The following MAP3K20 variants were observed in gnomAD, a reference collection of about 807,000 sequenced individuals.
The protein encoded by MAP3K20 is HCCS-4.
MAP3K20 carries 40 observed loss-of-function variants against 85.7 expected under a neutral mutation model. That is an observed-to-expected ratio of 0.47 (90% CI 0.36 to 0.61). The LOEUF is 0.61. MAP3K20 is among the 20% of genes least tolerant of loss of function. MAP3K20 has a pLI of 0.00. For synonymous variants in MAP3K20, 325 were observed against 327.7 expected, an observed-to-expected ratio of 0.99 and a Z score of 0.09; for missense variants, 817 against 961.7, an observed-to-expected ratio of 0.85 and a Z score of 1.99.
intron 2 of MAP3K20, among the ~76,000 whole-genome samples, chr2:173,095,191 G>A (rs1397497903): frequency 3.3e-5 from 5 of 152,130 alleles, no homozygotes; most frequent in African/African-American, 9.7e-5. Context: ...GCAAGTAAGA[G>A]CTCTTTCCAG....
chr2:173,182,890 A>G lies in MAP3K20; in HGVS notation c.284A>G (p.Asn95Ser), dbSNP rs1348499989. The G allele has an allele frequency of 6.2e-7, 1 of 1,609,640 alleles. No homozygotes were observed. The highest frequency in any genetic ancestry group is 8.5e-7 in the Non-Finnish European group (1 of 1,178,236). The stretch of plus-strand genomic sequence containing the variant: ...CTGGGATCACTCTATGATTACATTA[A>G]CAGTAACAGAAGTGAGGAGATGGAT... ...ASLGSLYDYI[N>S]SNRSEEMDMD... The change falls in exon 4 of 20, where the codon AAC (asparagine) becomes AGC (serine). Residue 95 changes from asparagine to serine, a missense_variant. Physicochemically the swap from Asn to Ser is conservative, Grantham distance 46. Coordinates refer to ENST00000375213, the MANE Select transcript of MAP3K20 (RefSeq NM_016653.3).
At chr2:173,123,483 G>A (rs534843857) in intron 2 of MAP3K20, among the ~76,000 whole-genome samples, 1 of 152,300 alleles carries the variant, frequency 6.6e-6, no homozygotes, top group East Asian at 1.9e-4. Flanking sequence ...AGATCTTGAG[G>A]AGAATGAGCA....
intron 10 of MAP3K20, chr2:173,212,208 G>A (rs1196271628): frequency 6.6e-6 from 1 of 152,206 alleles, no homozygotes; most frequent in Non-Finnish European, 1.5e-5. Flanking sequence ...CTGCTGGTGT[G>A]AGAACGACTG....
chr2:173,184,047 T>G (rs1212526152), intron 4 of MAP3K20, among the ~76,000 whole-genome samples: 2 of 152,198 alleles, frequency 1.3e-5, no homozygotes, highest in Non-Finnish European at 2.9e-5. Flanking sequence ...TTTAGGGTGG[T>G]GTACCTGAGA....
chr2:173,081,391 G>A (rs1687010580), intron 1 of MAP3K20, among the ~76,000 whole-genome samples: 1 of 152,000 alleles, frequency 6.6e-6, no homozygotes, highest in Admixed American at 6.6e-5. Flanking sequence ...ATCACCTTCT[G>A]CACAGTACTG....
At chr2:173,076,847 C>T (rs1686877325) in intron 1 of MAP3K20, among the ~76,000 whole-genome samples, 1 of 152,224 alleles carries the variant, frequency 6.6e-6, no homozygotes, top group Non-Finnish European at 1.5e-5. Context: ...GCCGTCGCCT[C>T]GTCTGGCCTC....
At chr2:173,160,341 C>T (rs1260144357) in intron 2 of MAP3K20, 4 of 152,138 alleles carry the variant, frequency 2.6e-5, no homozygotes, top group Non-Finnish European at 1.5e-5. Context: ...TCCTCCAAGC[C>T]TGCTTTTAAA....
Position 173,222,499 on chromosome 2 carries a change from A to G in MAP3K20, c.987+5249A>G, listed in dbSNP as rs138772418. 2.7e-4 allele frequency: 270 copies of G among 985,758 alleles called. No homozygotes were observed. In the African/African-American group the frequency reaches 4.4e-3, roughly 16 times the overall value. The allele number at this position is 985,758 out of a possible 1,614,324, so 61.1% of individuals were successfully genotyped here. On this transcript the variant is annotated intron_variant, in intron 11 of 19. Coordinates refer to ENST00000375213, the MANE Select transcript of MAP3K20 (RefSeq NM_016653.3). Reference sequence around the variant, plus strand: ...TTAAGGCTGTGCTTGTGCTTTATACAAAGAGAAAGAGGTGGTCTTAAGGGG... The same window carrying G: ...TTAAGGCTGTGCTTGTGCTTTATACGAAGAGAAAGAGGTGGTCTTAAGGGG...
rs758501464 is a variant in MAP3K20 at position 173,190,868 on chromosome 2, A to G, written c.416-27A>G. 4 of 1,567,052 alleles carry G rather than the reference A, an allele frequency of 2.6e-6. No homozygotes were observed. In the South Asian group the frequency reaches 3.5e-5, roughly 14 times the overall value. ...AGCTCAAACAAATTAGATGATTGTC[A>G]TAATTTATCCTTTTTTCTTTTTTTA... On this transcript the variant is annotated intron_variant, in intron 5 of 19. Coordinates refer to ENST00000375213, the MANE Select transcript of MAP3K20 (RefSeq NM_016653.3).
intron 2 of MAP3K20, among the ~76,000 whole-genome samples, chr2:173,146,731 A>G (rs1689149041): frequency 6.6e-6 from 1 of 152,226 alleles, no homozygotes; most frequent in African/African-American, 2.4e-5. Context: ...ACCTAAGAGT[A>G]GAAGTGATGA....
chr2:173,186,340 C>CTATTGAAT (rs1017559948), intron 4 of MAP3K20, among the ~76,000 whole-genome samples: 17 of 152,198 alleles, frequency 1.1e-4, no homozygotes, highest in Non-Finnish European at 2.5e-4. Context: ...CAAGTTGTAA[C>CTATTGAAT]TATTGAATTT....
intron 7 of MAP3K20, among the ~76,000 whole-genome samples, chr2:173,193,688 A>C (rs190585200): frequency 2.6e-5 from 4 of 152,240 alleles, no homozygotes; most frequent in Admixed American, 2.6e-4. Flanking sequence ...CATTTCTTAA[A>C]CATAGTTTGA....
intron 4 of MAP3K20, among the ~76,000 whole-genome samples, chr2:173,186,119 A>C (rs1398627417): frequency 6.6e-6 from 1 of 152,160 alleles, no homozygotes; most frequent in Non-Finnish European, 1.5e-5. Context: ...TTTTCTTATA[A>C]TCTTCCATGA....
At chr2:173,181,242 C>T (rs998234056) in intron 3 of MAP3K20, among the ~76,000 whole-genome samples, 3 of 152,054 alleles carry the variant, frequency 2.0e-5, no homozygotes, top group Non-Finnish European at 1.5e-5. Context: ...TACTGCTGGG[C>T]ACAGTCACAT....
intron 2 of MAP3K20, among the ~76,000 whole-genome samples, chr2:173,123,644 A>G (rs899383523): frequency 1.3e-5 from 2 of 152,190 alleles, no homozygotes; most frequent in Admixed American, 6.5e-5. Context: ...TGTTTGTTTC[A>G]TCTTGAATTC....
intron 2 of MAP3K20, among the ~76,000 whole-genome samples, chr2:173,119,345 A>T (rs1485944750): frequency 9.2e-5 from 14 of 152,212 alleles, no homozygotes; most frequent in Non-Finnish European, 2.1e-4. Context: ...CTGGGAGGCT[A>T]AAGCTGGCCC....
At chr2:173,149,004 A>G (rs1423141711) in intron 2 of MAP3K20, among the ~76,000 whole-genome samples, 1 of 152,212 alleles carries the variant, frequency 6.6e-6, no homozygotes, top group African/African-American at 2.4e-5. Flanking sequence ...TGAAAATAAA[A>G]TCTGTGGTCA....
chr2:173,205,715 G>T (rs890309519), intron 9 of MAP3K20, among the ~76,000 whole-genome samples: 12 of 152,004 alleles, frequency 7.9e-5, no homozygotes, highest in African/African-American at 2.7e-4. Context: ...TTTTTAAGTA[G>T]AGTCCTAGAT....
At position 173,266,977 on chromosome 2, in the gene MAP3K20, T is replaced by C. The variant is rs555361931; in HGVS notation, c.*227T>C. 1 of 358,794 alleles carries C rather than the reference T, an allele frequency of 2.8e-6. No homozygotes were observed. The highest frequency in any genetic ancestry group is 5.0e-6 in the Non-Finnish European group (1 of 201,990). 22.2% of individuals were successfully genotyped at this position (358,794 alleles called of 1,614,324 possible). A position where few individuals can be genotyped will look rare whatever the true frequency, so the allele number is the denominator to read the frequency against. On this transcript the variant is annotated 3_prime_UTR_variant, in exon 20 of 20. Coordinates refer to ENST00000375213, the MANE Select transcript of MAP3K20 (RefSeq NM_016653.3). ...CTAGGCTTGAAAATCACTACACATA[T>C]TTTCTGCCTTGAGTGAACATTTTTA...
Sources: gnomAD v4.1 joint callset for allele counts (sites outside exome capture counted in the v4.1 genomes callset) on GRCh38, gnomAD v4.1.1 for gene constraint, MANE v1.5 for transcripts, NCBI Gene and HGNC (gene_info 2026-07-23, HGNC 2026-07-21) for gene names.